The following RGS6 variants were observed in gnomAD, a reference collection of about 807,000 sequenced individuals.
The protein encoded by RGS6 is regulator of G protein signaling 6.
Under a neutral mutation model 78.5 loss-of-function variants are expected in RGS6, and 30 were observed. The ratio of observed to expected loss-of-function variants is 0.38; its 90% CI spans 0.29 to 0.52. RGS6 has a LOEUF of 0.52. Ranked by LOEUF, RGS6 falls within the 20% of genes least tolerant of loss-of-function variation. The probability of loss-of-function intolerance (pLI) is 0.85; values close to 1 mark genes in which losing one functional copy is unlikely to be tolerated. For synonymous variants in RGS6, 206 were observed against 206.0 expected (o/e 1.00, Z 0.00); for missense variants, 495 against 609.7 (o/e 0.81, Z 1.98).
the RGS6 span, among the ~76,000 whole-genome samples, chr14:72,590,437 T>C: frequency 6.6e-6 from 1 of 152,128 alleles, no homozygotes; most frequent in Non-Finnish European, 1.5e-5. Context: ...GTTCATATAG[T>C]GGGATGTTAC....
At chr14:72,475,041 A>C (rs2096201096) in intron 10 of RGS6, among the ~76,000 whole-genome samples, 1 of 152,022 alleles carries the variant, frequency 6.6e-6, no homozygotes, top group Non-Finnish European at 1.5e-5. Context: ...GGGGCTTCCC[A>C]AGGGCTTCCT....
chr14:72,474,553 G>A (rs1360668081), intron 9 of RGS6, 72 bp from the exon 10 acceptor site: 1 of 1,354,004 alleles, frequency 7.4e-7, no homozygotes, highest in African/African-American at 1.5e-5. Flanking sequence ...TGGTCCTGAT[G>A]GTGTGACATG....
the RGS6 span, among the ~76,000 whole-genome samples, chr14:71,878,004 T>A: frequency 1.3e-5 from 2 of 152,314 alleles, no homozygotes; most frequent in African/African-American, 4.8e-5. Flanking sequence ...CCACAAATAT[T>A]GCAGAACAGC....
chr14:72,460,313 G>A lies in RGS6; in HGVS notation c.394+630G>A, dbSNP rs1018145390. 3.3e-5 allele frequency among the ~76,000 whole-genome samples: 5 copies of A among 152,138 alleles called. No individual in the cohort carries two copies. In the East Asian group the frequency reaches 5.8e-4, roughly 18 times the overall value. On this transcript the variant is annotated intron_variant, in intron 6 of 17. Coordinates refer to ENST00000553525, the MANE Select transcript of RGS6 (RefSeq NM_001204424.2). The stretch of plus-strand genomic sequence containing the variant: ...AATTCTCTGAAGAAGTTTTATTATC[G>A]CTATGCTTAAGAGAAAGAACCTGAG...
intron 14 of RGS6, among the ~76,000 whole-genome samples, chr14:72,517,308 A>G (rs1168907700): frequency 6.6e-6 from 1 of 151,942 alleles, no homozygotes; most frequent in Non-Finnish European, 1.5e-5. Context: ...CACAGGACCT[A>G]CTCTCTTACT....
intron 1 of RGS6, among the ~76,000 whole-genome samples, chr14:71,958,398 C>T (rs2092950793): frequency 6.6e-6 from 1 of 152,196 alleles, no homozygotes; most frequent in African/African-American, 2.4e-5. Flanking sequence ...ATAATAACAT[C>T]CACCTGTTGT....
chr14:72,119,051 T>C (rs143886865), intron 2 of RGS6, among the ~76,000 whole-genome samples: 1 of 152,326 alleles, frequency 6.6e-6, no homozygotes, highest in African/African-American at 2.4e-5. Context: ...GTTTCCAGGA[T>C]ACGTAAAAGT....
intron 2 of RGS6, among the ~76,000 whole-genome samples, chr14:72,217,106 C>G (rs1290018205): frequency 6.6e-6 from 1 of 152,070 alleles, no homozygotes; most frequent in Non-Finnish European, 1.5e-5. Context: ...CTTCTCCTAA[C>G]AGCTCAAAGA....
At chr14:72,085,189 G>C (rs77661551) in intron 2 of RGS6, among the ~76,000 whole-genome samples, 6,762 of 152,294 alleles carry the variant, frequency 0.044, 257 homozygotes, top group African/African-American at 0.11. Flanking sequence ...AATCAATAAA[G>C]CAGAAGGGAA....
chr14:72,531,293 T>C lies in RGS6; in HGVS notation c.1279-4893T>C, dbSNP rs180866348. 3.8e-3 allele frequency among the ~76,000 whole-genome samples: 581 copies of C among 151,862 alleles called. 5 individuals carry two copies. Among genetic ancestry groups the C allele is most frequent in the African/African-American group, 0.014 (568 of 41,422 alleles). Reference sequence around the variant, plus strand: ...ACTAAAAATAAAAAAATCAGCTGGGTGTGGTGGTGCATGCCTGTAGTCCCA... The same window carrying C: ...ACTAAAAATAAAAAAATCAGCTGGGCGTGGTGGTGCATGCCTGTAGTCCCA... On this transcript the variant is annotated intron_variant, in intron 15 of 17. Coordinates refer to ENST00000553525, the MANE Select transcript of RGS6 (RefSeq NM_001204424.2).
intron 3 of RGS6, among the ~76,000 whole-genome samples, chr14:72,359,363 A>G (rs10129799): frequency 0.52 from 79,477 of 151,692 alleles, 23,136 homozygotes; most frequent in African/African-American, 0.79. Flanking sequence ...GGAATACTAT[A>G]ATAGGGGTGC....
chr14:72,010,737 G>A (rs1378826220), intron 2 of RGS6, among the ~76,000 whole-genome samples: 1 of 152,152 alleles, frequency 6.6e-6, no homozygotes, highest in Non-Finnish European at 1.5e-5. Context: ...TTTCCAAACA[G>A]GGCAGTTTCA....
downstream of RGS6, among the ~76,000 whole-genome samples, chr14:72,568,051 C>T (rs1185840943): frequency 6.6e-6 from 1 of 152,188 alleles, no homozygotes; most frequent in African/African-American, 2.4e-5. Context: ...GCCACGTGAG[C>T]TCCATCTGTC....
At chr14:72,191,634 A>G (rs759600996) in intron 2 of RGS6, among the ~76,000 whole-genome samples, 12 of 152,220 alleles carry the variant, frequency 7.9e-5, no homozygotes, top group African/African-American at 1.2e-4. Context: ...TATCACGAGA[A>G]CAGCATGGGC....
At chr14:72,243,754 C>CTTTT (rs772601683) in intron 2 of RGS6, among the ~76,000 whole-genome samples, 1 of 145,908 alleles carries the variant, frequency 6.9e-6, no homozygotes, top group Non-Finnish European at 1.5e-5. Flanking sequence ...GGAAAAGCAC[C>CTTTT]TTTTTTTTTT....
chr14:72,150,364 G>A (rs114958159), intron 2 of RGS6, among the ~76,000 whole-genome samples: 2 of 151,952 alleles, frequency 1.3e-5, no homozygotes, highest in Non-Finnish European at 2.9e-5. Flanking sequence ...TCCAGACTTC[G>A]GGCCTCTAAA....
intron 2 of RGS6, among the ~76,000 whole-genome samples, chr14:71,973,254 T>G (rs2093920477): frequency 6.6e-6 from 1 of 152,232 alleles, no homozygotes; most frequent in Non-Finnish European, 1.5e-5. Flanking sequence ...TCCTTTACTT[T>G]ATTTTTAATT....
chr14:72,597,028 C>A, the RGS6 span, among the ~76,000 whole-genome samples: 3 of 152,130 alleles, frequency 2.0e-5, no homozygotes, highest in Non-Finnish European at 4.4e-5. Flanking sequence ...AACTGGAGGT[C>A]AGGAGTTCGA....
downstream of RGS6, among the ~76,000 whole-genome samples, chr14:72,570,033 A>G (rs139025282): frequency 2.2e-3 from 340 of 152,366 alleles, 1 homozygote; most frequent in African/African-American, 7.9e-3. Flanking sequence ...AAGAGAATGT[A>G]TGCTTTCTTC....
Sources: gnomAD v4.1 joint callset for allele counts (sites outside exome capture counted in the v4.1 genomes callset) on GRCh38, gnomAD v4.1.1 for gene constraint, MANE v1.5 for transcripts, NCBI Gene and HGNC (gene_info 2026-07-23, HGNC 2026-07-21) for gene names.